Variants in MAGI2 observed in about 807,000 individuals in gnomAD.
The protein encoded by MAGI2 is membrane-associated guanylate kinase, WW and PDZ domain-containing protein 2.
In MAGI2, 35 loss-of-function variants were observed where a neutral mutation model predicts 133.3. The ratio of observed to expected loss-of-function variants is 0.26; its 90% CI spans 0.20 to 0.35. The LOEUF (loss-of-function observed/expected upper bound fraction) is 0.35, where lower values mean the gene tolerates loss of function less well. MAGI2 is among the 10% of genes least tolerant of loss of function. The probability of loss-of-function intolerance (pLI) is 1.00; values close to 1 mark genes in which losing one functional copy is unlikely to be tolerated. For synonymous variants in MAGI2, 729 were observed against 710.6 expected (o/e 1.03, Z -0.41); for missense variants, 1,636 against 1,863.4 (o/e 0.88, Z 2.25).
chr7:78,463,789 T>C (rs767009258), intron 6 of MAGI2, among the ~76,000 whole-genome samples: 3 of 152,102 alleles, frequency 2.0e-5, no homozygotes, highest in Admixed American at 1.3e-4. Context: ...GCATACTAAG[T>C]AGTGTTTTAG....
At chr7:79,397,413 A>G (rs1845141226) in intron 1 of MAGI2, among the ~76,000 whole-genome samples, 1 of 151,852 alleles carries the variant, frequency 6.6e-6, no homozygotes, top group Admixed American at 6.6e-5. Flanking sequence ...TCCTGTTTAA[A>G]TTTACATTAT....
intron 1 of MAGI2, among the ~76,000 whole-genome samples, chr7:79,028,352 C>T (rs1375392200): frequency 7.1e-6 from 1 of 140,432 alleles, no homozygotes; most frequent in Non-Finnish European, 1.5e-5. Context: ...CACACACACA[C>T]ACATACACAC....
intron 1 of MAGI2, among the ~76,000 whole-genome samples, chr7:79,256,480 C>T (rs982089415): frequency 1.0e-4 from 14 of 138,698 alleles, no homozygotes; most frequent in Non-Finnish European, 9.1e-5. Flanking sequence ...GTCTCTCTCT[C>T]TCTCTCTTTT....
At chr7:78,546,480 A>C (rs1262224570) in intron 3 of MAGI2, among the ~76,000 whole-genome samples, 1 of 152,232 alleles carries the variant, frequency 6.6e-6, no homozygotes, top group Non-Finnish European at 1.5e-5. Flanking sequence ...ACAAGCCTGC[A>C]GGTCTAATTA....
At chr7:78,513,943 C>T (rs890260330) in intron 4 of MAGI2, among the ~76,000 whole-genome samples, 5 of 151,958 alleles carry the variant, frequency 3.3e-5, no homozygotes, top group African/African-American at 1.2e-4. Flanking sequence ...ACAAAATTAG[C>T]TGTGCATGGT....
intron 6 of MAGI2, among the ~76,000 whole-genome samples, chr7:78,482,878 TACACAC>T (rs3086358): frequency 0.13 from 11,507 of 89,682 alleles, 493 homozygotes; most frequent in East Asian, 0.25. Flanking sequence ...CACATGGAAC[TACACAC>T]ACACACACAC....
At chr7:79,214,581 G>C (rs910210319) in intron 1 of MAGI2, among the ~76,000 whole-genome samples, 8 of 141,378 alleles carry the variant, frequency 5.7e-5, no homozygotes, top group Admixed American at 5.1e-4. Context: ...ATATCGGATA[G>C]AGACAGAGAG....
rs1820216186 is a variant in MAGI2 at position 78,720,993 on chromosome 7, CA to C, written c.419-93755del. 2.0e-5 allele frequency among the ~76,000 whole-genome samples: 3 copies of C among 152,144 alleles called. No individual in the cohort carries two copies. The South Asian group carries it at 6.2e-4, about 32-fold the overall frequency. On this transcript the variant is annotated intron_variant, in intron 2 of 21. Transcript: ENST00000354212. ...TTGATTGAAATCTGAAATGGAGATA[CA>C]GGGGGCCTAATCATTTTTCTAGAAG...
chr7:78,645,761 C>A (rs1302380495), intron 2 of MAGI2, among the ~76,000 whole-genome samples: 1 of 148,020 alleles, frequency 6.8e-6, no homozygotes, highest in Non-Finnish European at 1.5e-5. Flanking sequence ...TTCCCCGAGA[C>A]ATTGTCATTC....
chr7:78,673,293 GAC>G (rs373754911), intron 2 of MAGI2, among the ~76,000 whole-genome samples: 12 of 150,956 alleles, frequency 7.9e-5, no homozygotes, highest in East Asian at 3.9e-4. Flanking sequence ...CACACACACA[GAC>G]ACACACACAC....
At chr7:78,206,180 AAATCACCCC>A (rs1416451081) in intron 10 of MAGI2, among the ~76,000 whole-genome samples, 3 of 152,200 alleles carry the variant, frequency 2.0e-5, no homozygotes, top group Admixed American at 2.0e-4. Flanking sequence ...AACTTTCTTA[AAATCACCCC>A]AATTCAAATA....
rs368604624 is a variant in MAGI2 at position 78,771,995 on chromosome 7, T to C, written c.419-144756A>G. Reference sequence around the variant, plus strand: ...TTGCAACCCAATCAAGCAAGCCTAGTAGAGAAGGGTGTCCAGATGCTAAGA... The same window carrying C: ...TTGCAACCCAATCAAGCAAGCCTAGCAGAGAAGGGTGTCCAGATGCTAAGA... On this transcript the variant is annotated intron_variant, in intron 2 of 21. Transcript: ENST00000354212. Among the ~76,000 whole-genome samples, 157 of 152,250 alleles carry C rather than the reference T, an allele frequency of 1.0e-3. No homozygotes were observed. The South Asian group carries it at 0.014, about 14-fold the overall frequency.
At chr7:78,549,385 T>C (rs1388561793) in intron 3 of MAGI2, among the ~76,000 whole-genome samples, 1 of 151,820 alleles carries the variant, frequency 6.6e-6, no homozygotes, top group Non-Finnish European at 1.5e-5. Context: ...CATTCACCTT[T>C]GTTCATTCAT....
At chr7:78,095,071 T>C (rs3779305) in intron 20 of MAGI2, among the ~76,000 whole-genome samples, 110,822 of 152,058 alleles carry the variant, frequency 0.73, 40,417 homozygotes, top group East Asian at 0.78. Flanking sequence ...TTTTTGCTGG[T>C]GTTCTCTGTA....
At chr7:78,428,691 G>T (rs954442488) in intron 6 of MAGI2, among the ~76,000 whole-genome samples, 17 of 152,146 alleles carry the variant, frequency 1.1e-4, no homozygotes, top group African/African-American at 4.1e-4. Flanking sequence ...CCCATAAAAA[G>T]CCTGACTTGG....
At chr7:79,328,937 T>A (rs1839881546) in intron 1 of MAGI2, among the ~76,000 whole-genome samples, 1 of 152,192 alleles carries the variant, frequency 6.6e-6, no homozygotes, top group South Asian at 2.1e-4. Flanking sequence ...TTTAGCATCT[T>A]TAGCACCAAT....
chr7:78,760,143 G>C (rs1161088218), intron 2 of MAGI2, among the ~76,000 whole-genome samples: 1 of 151,986 alleles, frequency 6.6e-6, no homozygotes, highest in African/African-American at 2.4e-5. Context: ...AACAAATAAG[G>C]AAAGAAAATA....
In MAGI2 at chr7:78,740,172, A is replaced by AT. The variant is rs543732851; in HGVS notation, c.419-112934_419-112933insA. Among the ~76,000 whole-genome samples, 531 of 151,566 alleles carry AT rather than the reference A, an allele frequency of 3.5e-3. 25 individuals carry two copies. Among genetic ancestry groups the AT allele is most frequent in the Admixed American group, 0.032 (494 of 15,246 alleles). On this transcript the variant is annotated intron_variant, in intron 2 of 21. Coordinates refer to ENST00000354212, the MANE Select transcript of MAGI2 (RefSeq NM_012301.4). ...CCAGACTCTGTCTAAAAAAAAAAAAACAAAAAACAAATATTGTATGATAAC... is the reference window on the plus strand; with the variant it reads ...CCAGACTCTGTCTAAAAAAAAAAAAATCAAAAAACAAATATTGTATGATAAC...
intron 1 of MAGI2, among the ~76,000 whole-genome samples, chr7:79,310,015 A>T (rs1360999806): frequency 6.7e-6 from 1 of 150,350 alleles, no homozygotes; most frequent in Non-Finnish European, 1.5e-5. Context: ...TGGAAAAAAA[A>T]TTAGCTGAGT....
Sources: gnomAD v4.1 joint callset for allele counts (sites outside exome capture counted in the v4.1 genomes callset) on GRCh38, gnomAD v4.1.1 for gene constraint, MANE v1.5 for transcripts, NCBI Gene and HGNC (gene_info 2026-07-23, HGNC 2026-07-21) for gene names.